ADCY2: variants seen among roughly 807,000 people sequenced by gnomAD.
ADCY2 encodes the protein adenylate cyclase 2.
A neutral mutation model predicts 125.2 loss-of-function variants in ADCY2; 31 were observed. The observed-to-expected ratio is 0.25, with a 90% CI of 0.19 to 0.33. The LOEUF is 0.33. Among genes scored for constraint, ADCY2 ranks in the 10% least tolerant of loss-of-function variants. ADCY2 has a pLI of 1.00. For synonymous variants in ADCY2, 512 were observed against 548.4 expected, an observed-to-expected ratio of 0.93 and a Z score of 0.93; for missense variants, 904 against 1,418.2, an observed-to-expected ratio of 0.64 and a Z score of 5.82.
chr5:7,712,333 G>A (rs76922646), intron 10 of ADCY2, among the ~76,000 whole-genome samples: 1,859 of 152,144 alleles, frequency 0.012, 31 homozygotes, highest in African/African-American at 0.042. Context: ...AACTACCAGC[G>A]CTCCTTTGCC....
At chr5:7,574,132 T>G (rs1736166033) in intron 3 of ADCY2, among the ~76,000 whole-genome samples, 1 of 112,682 alleles carries the variant, frequency 8.9e-6, no homozygotes, top group Non-Finnish European at 2.1e-5. Flanking sequence ...GGTGTATATG[T>G]GCCACATTTT....
chr5:7,652,475 A>G (rs182776374), intron 4 of ADCY2, among the ~76,000 whole-genome samples: 192 of 152,348 alleles, frequency 1.3e-3, no homozygotes, highest in Non-Finnish European at 2.0e-3. Context: ...TATAACAACA[A>G]TGCAGAGAAC....
At chr5:7,597,492 T>C (rs1311442800) in intron 3 of ADCY2, among the ~76,000 whole-genome samples, 1 of 152,138 alleles carries the variant, frequency 6.6e-6, no homozygotes. Flanking sequence ...AATGCAGTAG[T>C]GGCCAGGCGC....
intron 3 of ADCY2, among the ~76,000 whole-genome samples, chr5:7,592,476 C>T (rs1307038978): frequency 6.6e-6 from 1 of 152,082 alleles, no homozygotes; most frequent in African/African-American, 2.4e-5. Context: ...GCAATGGAGA[C>T]TCCCAGTGGG....
intron 19 of ADCY2, among the ~76,000 whole-genome samples, chr5:7,785,118 C>T (rs1056032133): frequency 3.9e-5 from 6 of 152,160 alleles, no homozygotes; most frequent in Middle Eastern, 3.2e-3. Flanking sequence ...TTCTATGAAG[C>T]GTGGTGTGAA....
chr5:7,712,948 A>G, intron 11 of ADCY2, 49 bp downstream of exon 11: 1 of 1,339,750 alleles, frequency 7.5e-7, no homozygotes. Flanking sequence ...CTCTTTATTC[A>G]TTTCTGAGAG....
chr5:7,592,110 A>G lies in ADCY2; in HGVS notation c.571-34057A>G, dbSNP rs545725681. ...CAATTTAAACATGCGGTATGCACAT[A>G]TGGCTCTTTCTTCTTATTGCCTTTA... On this transcript the variant is annotated intron_variant, in intron 3 of 24. Coordinates refer to ENST00000338316, the MANE Select transcript of ADCY2 (RefSeq NM_020546.3). Among the ~76,000 whole-genome samples, 7 of 152,324 alleles carry G rather than the reference A, an allele frequency of 4.6e-5. No homozygotes were observed. In the East Asian group the frequency reaches 7.7e-4, roughly 17 times the overall value.
chr5:7,426,840 AC>A (rs1740406288), intron 2 of ADCY2, among the ~76,000 whole-genome samples: 1 of 152,044 alleles, frequency 6.6e-6, no homozygotes, highest in South Asian at 2.1e-4. Flanking sequence ...AAAGAGTGTG[AC>A]CCAAATGAGG....
rs142003155 is a variant in ADCY2, at chr5:7,698,389, T to C, written c.1109+15T>C. 6.2e-6 allele frequency: 10 copies of C among 1,613,856 alleles called. No homozygotes were observed. In the African/African-American group the frequency reaches 1.1e-4, roughly 17 times the overall value. ...GAAGCCATAAAGTAAGTGGACTGCT[T>C]AGTAAGCATTTTGTTATATGCTTTA... On this transcript the variant is annotated intron_variant, in intron 7 of 24. Coordinates refer to ENST00000338316, the MANE Select transcript of ADCY2 (RefSeq NM_020546.3).
chr5:7,487,364 C>A (rs1742975068), intron 2 of ADCY2, among the ~76,000 whole-genome samples: 1 of 152,190 alleles, frequency 6.6e-6, no homozygotes, highest in African/African-American at 2.4e-5. Flanking sequence ...GTCCACATTC[C>A]TCTCCCAATG....
At chr5:7,523,756 A>G (rs1369828672) in intron 3 of ADCY2, among the ~76,000 whole-genome samples, 1 of 152,186 alleles carries the variant, frequency 6.6e-6, no homozygotes, top group Non-Finnish European at 1.5e-5. Context: ...GAATGTTACA[A>G]ATTTGGTGGT....
chr5:7,571,722 C>A (rs1402746393), intron 3 of ADCY2, among the ~76,000 whole-genome samples: 1 of 152,002 alleles, frequency 6.6e-6, no homozygotes, highest in African/African-American at 2.4e-5. Context: ...GTTTGTTGTG[C>A]AAATTATTTT....
At chr5:7,433,514 T>C (rs1313457703) in intron 2 of ADCY2, among the ~76,000 whole-genome samples, 4 of 152,184 alleles carry the variant, frequency 2.6e-5, no homozygotes, top group African/African-American at 9.7e-5. Flanking sequence ...TCACAGTTTT[T>C]ACTTCCTGAG....
chr5:7,741,728 T>TCACCAACAC (rs1742426950), intron 14 of ADCY2, among the ~76,000 whole-genome samples: 1 of 4,238 alleles, frequency 2.4e-4, no homozygotes, highest in Non-Finnish European at 5.4e-4. Context: ...ATCACTATCA[T>TCACCAACAC]CATCACCATC....
chr5:7,759,881 G>C (rs1360926628), intron 16 of ADCY2, among the ~76,000 whole-genome samples: 3 of 143,362 alleles, frequency 2.1e-5, no homozygotes, highest in African/African-American at 5.1e-5. Context: ...AGACTGGCCA[G>C]CCAGGGTATT....
intron 2 of ADCY2, among the ~76,000 whole-genome samples, chr5:7,508,041 T>C (rs993263018): frequency 2.6e-5 from 4 of 152,204 alleles, no homozygotes; most frequent in Non-Finnish European, 5.9e-5. Flanking sequence ...GTGTAATATT[T>C]CACTTTTTTC....
intron 3 of ADCY2, among the ~76,000 whole-genome samples, chr5:7,575,235 A>T (rs991331390): frequency 6.6e-6 from 1 of 152,162 alleles, no homozygotes; most frequent in Admixed American, 6.5e-5. Flanking sequence ...CTTTGGAAGG[A>T]TGCACATTGA....
intron 3 of ADCY2, among the ~76,000 whole-genome samples, chr5:7,612,621 G>T (rs944178860): frequency 6.6e-6 from 1 of 152,212 alleles, no homozygotes; most frequent in African/African-American, 2.4e-5. Flanking sequence ...GGAGTCGTTG[G>T]CTGCTCCGGG....
chr5:7,777,559 T>C (rs1743771913), intron 18 of ADCY2, among the ~76,000 whole-genome samples: 1 of 152,196 alleles, frequency 6.6e-6, no homozygotes, highest in African/African-American at 2.4e-5. Context: ...TGTTTATATC[T>C]TTATATTTCA....
Sources: gnomAD v4.1 joint callset for allele counts (sites outside exome capture counted in the v4.1 genomes callset) on GRCh38, gnomAD v4.1.1 for gene constraint, MANE v1.5 for transcripts, NCBI Gene and HGNC (gene_info 2026-07-23, HGNC 2026-07-21) for gene names.